The following ADGRD1 variants were observed in gnomAD, a reference collection of about 807,000 sequenced individuals.
The protein encoded by ADGRD1 is adhesion G protein-coupled receptor D1, also known as G-protein coupled receptor 133.
In ADGRD1, 77 loss-of-function variants were observed where a neutral mutation model predicts 113.4. That is an observed-to-expected ratio of 0.68 (90% CI 0.57 to 0.82). The LOEUF (loss-of-function observed/expected upper bound fraction) is 0.82, where lower values mean the gene tolerates loss of function less well. Ranked by LOEUF, ADGRD1 falls within the 40% of genes least tolerant of loss-of-function variation. The probability of loss-of-function intolerance (pLI) is 0.00; values close to 1 mark genes in which losing one functional copy is unlikely to be tolerated. For missense variants in ADGRD1, 1,036 were observed against 1,139.1 expected, an observed-to-expected ratio of 0.91 and a Z score of 1.30; for synonymous variants, 474 against 475.0, an observed-to-expected ratio of 1.00 and a Z score of 0.03.
Position 131,057,048 on chromosome 12 carries a change from T to G in ADGRD1, c.1474-19753T>G, listed in dbSNP as rs1883924270. On this transcript the variant is annotated intron_variant, in intron 13 of 24. Transcript: ENST00000261654. The surrounding 1 kb of genome is among the most constrained non-coding windows in gnomAD (Gnocchi z 4.2). The stretch of plus-strand genomic sequence containing the variant: ...GGAGGGGGAGGATAATTACTAATTA[T>G]GGTAGCATTGTCCACAATGATTAGA... 6.6e-6 allele frequency among the ~76,000 whole-genome samples: 1 copy of G among 152,164 alleles called. No individual in the cohort carries two copies. Among genetic ancestry groups the G allele is most frequent in the African/African-American group, 2.4e-5 (1 of 41,426 alleles).
chr12:131,123,050 T>TG (rs1436796254), intron 20 of ADGRD1, among the ~76,000 whole-genome samples: 114 of 123,154 alleles, frequency 9.3e-4, no homozygotes, highest in African/African-American at 3.4e-3. Flanking sequence ...TTTTTTTTTT[T>TG]TTTTTTTTTT....
intron 3 of ADGRD1, chr12:130,968,968 T>G: frequency 6.6e-7 from 1 of 1,510,644 alleles, no homozygotes; most frequent in Middle Eastern, 1.7e-4. Context: ...TTTTTGTTGT[T>G]TCACCCAGCG....
intron 20 of ADGRD1, among the ~76,000 whole-genome samples, chr12:131,128,056 T>A (rs1217812426): frequency 7.2e-6 from 1 of 138,462 alleles, no homozygotes; most frequent in Non-Finnish European, 1.5e-5. Context: ...TTGGTTGTGA[T>A]GGGACTCTGA....
At chr12:131,078,283 T>C (rs1885805417) in intron 14 of ADGRD1, among the ~76,000 whole-genome samples, 1 of 152,246 alleles carries the variant, frequency 6.6e-6, no homozygotes, top group African/African-American at 2.4e-5. Context: ...GCCCAGCTCC[T>C]GTCACCTCCA....
In ADGRD1 at chr12:131,004,382, G is replaced by A. The variant is rs1016274213; in HGVS notation, c.1255+86G>A. 165 of 788,224 alleles carry A rather than the reference G, an allele frequency of 2.1e-4. 2 individuals are homozygous for A. The highest frequency in any genetic ancestry group is 2.9e-4 in the Non-Finnish European group (142 of 495,074). 48.8% of individuals were successfully genotyped at this position (788,224 alleles called of 1,614,324 possible). A position where few individuals can be genotyped will look rare whatever the true frequency, so the allele number is the denominator to read the frequency against. On this transcript the variant is annotated intron_variant, in intron 11 of 24. Transcript: ENST00000261654. Reference sequence around the variant, plus strand: ...CCCCAAGCTTTGCTGGGTGCCCACCGCGCCAGGGAGCTGCGGTGCTCCCCC... The same window carrying A: ...CCCCAAGCTTTGCTGGGTGCCCACCACGCCAGGGAGCTGCGGTGCTCCCCC...
chr12:131,040,219 T>C (rs10848273), intron 13 of ADGRD1, among the ~76,000 whole-genome samples: 16,524 of 152,242 alleles, frequency 0.11, 1,224 homozygotes, highest in Non-Finnish European at 0.16. Flanking sequence ...AGGTGTTTTG[T>C]CAACCAGACG....
At chr12:131,121,567 A>T (rs1950593960) in intron 20 of ADGRD1, among the ~76,000 whole-genome samples, 1 of 152,098 alleles carries the variant, frequency 6.6e-6, no homozygotes, top group Non-Finnish European at 1.5e-5. Context: ...TTTAGTAGAG[A>T]CGGGGTTTCA....
chr12:130,982,045 G>A lies in ADGRD1; in HGVS notation c.472G>A (p.Ala158Thr), dbSNP rs766727796. The A allele has an allele frequency of 9.3e-6, 15 of 1,613,624 alleles. No homozygotes were observed. The highest frequency in any genetic ancestry group is 1.3e-5 in the Non-Finnish European group (15 of 1,179,826). The change falls in exon 5 of 25, where the codon GCC becomes ACC. Residue 158 changes from alanine to threonine, a missense_variant. Ala to Thr is a moderately conservative substitution (Grantham distance 58). Transcript: ENST00000261654. ...YTRDNSMTWE[A>T]SFSPPGPYWT... is the part of the protein sequence containing the mutation. ...GCGGGACAATTCCATGACATGGGAG[G>A]CCTCCTTCAGCCCCCCAGGTGAGTG...
intron 15 of ADGRD1, 31 bp from the exon 16 acceptor site, chr12:131,104,800 G>A (rs1382698701): frequency 3.3e-6 from 5 of 1,498,966 alleles, no homozygotes. Flanking sequence ...GCCTGGGCCT[G>A]CTGCTGACGC....
At chr12:131,043,309 G>C (rs910911419) in intron 13 of ADGRD1, among the ~76,000 whole-genome samples, 1 of 152,208 alleles carries the variant, frequency 6.6e-6, no homozygotes, top group African/African-American at 2.4e-5. Flanking sequence ...ACTGAGACTT[G>C]TGGAGGTCCT....
intron 20 of ADGRD1, among the ~76,000 whole-genome samples, chr12:131,123,817 C>T (rs1380135582): frequency 2.0e-5 from 3 of 148,522 alleles, no homozygotes; most frequent in East Asian, 2.0e-4. Context: ...CAGAGTGAGA[C>T]TCCGTCTCAA....
intron 15 of ADGRD1, among the ~76,000 whole-genome samples, chr12:131,087,733 C>G (rs932935771): frequency 1.2e-3 from 179 of 152,360 alleles, no homozygotes; most frequent in Middle Eastern, 3.4e-3. Flanking sequence ...CCACGCCCCC[C>G]CCATGCCTTC....
chr12:131,130,023 T>C (rs1336104984), intron 20 of ADGRD1, among the ~76,000 whole-genome samples: 17 of 152,264 alleles, frequency 1.1e-4, no homozygotes, highest in Admixed American at 6.5e-4. Context: ...TTTGTCACTG[T>C]CCTAGTTGAA....
chr12:131,135,581 C>T (rs1391162534), intron 21 of ADGRD1, among the ~76,000 whole-genome samples: 14 of 152,196 alleles, frequency 9.2e-5, no homozygotes, highest in Non-Finnish European at 4.4e-5. Flanking sequence ...AGAAATCTTC[C>T]TGGCCATGGC....
chr12:130,957,373 A>T (rs1161498023), intron 2 of ADGRD1: 2 of 152,278 alleles, frequency 1.3e-5, no homozygotes, highest in Non-Finnish European at 2.9e-5. Flanking sequence ...CTCTACACAC[A>T]TGCACATACA....
chr12:131,134,737 C>T (rs1455905063), intron 21 of ADGRD1, among the ~76,000 whole-genome samples: 4 of 152,258 alleles, frequency 2.6e-5, no homozygotes, highest in African/African-American at 7.2e-5. Flanking sequence ...ATCTCACCTC[C>T]TCCGGGGAGG....
At chr12:131,067,053 T>C (rs1414863158) in intron 13 of ADGRD1, among the ~76,000 whole-genome samples, 2 of 150,170 alleles carry the variant, frequency 1.3e-5, no homozygotes, top group Non-Finnish European at 3.0e-5. Flanking sequence ...AGGATAGGAG[T>C]GGAGGATGTT....
At chr12:131,039,551 C>T (rs1455086724) in intron 13 of ADGRD1, among the ~76,000 whole-genome samples, 1 of 152,246 alleles carries the variant, frequency 6.6e-6, no homozygotes, top group Non-Finnish European at 1.5e-5. Context: ...AGGGACAGCT[C>T]TGAACATCTG....
At chr12:130,993,372 T>TTTCTTTCA (rs71451391) in intron 8 of ADGRD1, among the ~76,000 whole-genome samples, 2 of 141,020 alleles carry the variant, frequency 1.4e-5, no homozygotes, top group South Asian at 2.4e-4. Flanking sequence ...ACTTCTCAGA[T>TTTCTTTCA]TTCATTCATT....
Sources: allele counts gnomAD v4.1 joint callset (sites outside exome capture counted in the v4.1 genomes callset), GRCh38; gene constraint gnomAD v4.1.1; non-coding constraint Gnocchi (gnomAD v3.1); transcripts MANE v1.5; gene names NCBI Gene and HGNC (gene_info 2026-07-23, HGNC 2026-07-21).